The following KCNJ3 variants were observed in gnomAD, a reference collection of about 807,000 sequenced individuals.
KCNJ3 encodes the protein potassium inwardly rectifying channel subfamily J member 3.
A neutral mutation model predicts 39.2 loss-of-function variants in KCNJ3; 4 were observed. The ratio of observed to expected loss-of-function variants is 0.10; its 90% confidence interval spans 0.05 to 0.23. The LOEUF is 0.23. Ranked by LOEUF, KCNJ3 falls within the 10% of genes least tolerant of loss-of-function variation. The pLI is 1.00. For synonymous variants in KCNJ3, 230 were observed against 237.4 expected (o/e 0.97, Z 0.29); for missense variants, 276 against 634.9 (o/e 0.43, Z 6.08).
At chr2:154,782,539 C>T (rs1427222330) in intron 2 of KCNJ3, among the ~76,000 whole-genome samples, 2 of 70,806 alleles carry the variant, frequency 2.8e-5, no homozygotes, top group Admixed American at 1.4e-4. Context: ...CACACACACA[C>T]ATACACGCAG....
chr2:154,772,290 G>A (rs1033340004), intron 2 of KCNJ3, among the ~76,000 whole-genome samples: 1 of 152,046 alleles, frequency 6.6e-6, no homozygotes, highest in South Asian at 2.1e-4. Context: ...TGAGTGGATC[G>A]GTCTAATTTT....
rs1258588401 is a variant in KCNJ3 at position 154,749,745 on chromosome 2, AT to A, written c.919+39932del. Among the ~76,000 whole-genome samples the A allele has an allele frequency of 3.2e-4, 48 of 151,866 alleles. No homozygotes were observed. The East Asian group carries it at 9.1e-3, about 29-fold the overall frequency. On this transcript the variant is annotated intron_variant, in intron 2 of 2. Coordinates refer to ENST00000295101, the MANE Select transcript of KCNJ3 (RefSeq NM_002239.4). ...AGTCGTAGTGAGTGCATATATGTAA[AT>A]TTTTTCTTTTTCTTTTCTTTTTTCT...
intron 2 of KCNJ3, among the ~76,000 whole-genome samples, chr2:154,802,835 G>A (rs1173782822): frequency 6.6e-6 from 1 of 152,016 alleles, no homozygotes; most frequent in East Asian, 1.9e-4. Context: ...TTGACTTTTA[G>A]TTGGCTTTTA....
intron 2 of KCNJ3, among the ~76,000 whole-genome samples, chr2:154,727,710 G>A (rs1685384331): frequency 6.6e-6 from 1 of 151,408 alleles, no homozygotes; most frequent in Non-Finnish European, 1.5e-5. Context: ...TAAAAAAATT[G>A]CTTAGATTGA....
rs1280413388 is a variant in KCNJ3, at chr2:154,817,745, T to C, written c.920-36982T>C. The stretch of plus-strand genomic sequence containing the variant: ...TTCCCTGCTCTAATAGATTTCATTG[T>C]TAGGAAGTGCTTCCTAATAACTAAA... On this transcript the variant is annotated intron_variant, in intron 2 of 2. Transcript: ENST00000295101. Among the ~76,000 whole-genome samples the C allele has an allele frequency of 3.3e-5, 5 of 152,190 alleles. No individual in the cohort carries two copies. The East Asian group carries it at 9.6e-4, about 29-fold the overall frequency.
chr2:154,767,694 A>G (rs1201036721), intron 2 of KCNJ3, among the ~76,000 whole-genome samples: 3 of 152,244 alleles, frequency 2.0e-5, no homozygotes, highest in African/African-American at 7.2e-5. Context: ...ACCTTTGGGT[A>G]TATACCCAGT....
At chr2:154,700,578 CAG>C (rs1450196180) in intron 1 of KCNJ3, among the ~76,000 whole-genome samples, 1 of 152,128 alleles carries the variant, frequency 6.6e-6, no homozygotes, top group African/African-American at 2.4e-5. Context: ...GAACTGAAGC[CAG>C]AGTCTGAATT....
At position 154,842,669 on chromosome 2, in the gene KCNJ3, G is replaced by A. The variant is rs1402378572; in HGVS notation, c.920-12058G>A. Among the ~76,000 whole-genome samples the A allele has an allele frequency of 2.0e-5, 3 of 152,128 alleles. No homozygotes were observed. The East Asian group carries it at 5.8e-4, about 29-fold the overall frequency. On this transcript the variant is annotated intron_variant, in intron 2 of 2. Coordinates refer to ENST00000295101, the MANE Select transcript of KCNJ3 (RefSeq NM_002239.4). ...TTTAGGATAGTTAGCTCTTCTTGTT[G>A]AATTGATTCCTTTACCATTATGTAA...
At chr2:154,804,983 T>C (rs1387110338) in intron 2 of KCNJ3, among the ~76,000 whole-genome samples, 1 of 152,102 alleles carries the variant, frequency 6.6e-6, no homozygotes, top group Admixed American at 6.6e-5. Flanking sequence ...ATTCCAGAAA[T>C]TTATTTCCAT....
At chr2:154,767,729 A>G (rs191764086) in intron 2 of KCNJ3, among the ~76,000 whole-genome samples, 4 of 152,298 alleles carry the variant, frequency 2.6e-5, no homozygotes, top group Admixed American at 6.5e-5. Context: ...GTCAAATGGT[A>G]TTTCTAGTTC....
intron 2 of KCNJ3, among the ~76,000 whole-genome samples, chr2:154,748,615 G>GTGAAT (rs1685785855): frequency 6.6e-6 from 1 of 151,928 alleles, no homozygotes; most frequent in African/African-American, 2.4e-5. Context: ...ATAAATATGA[G>GTGAAT]TGAACTGAAC....
intron 2 of KCNJ3, among the ~76,000 whole-genome samples, chr2:154,742,186 T>C (rs979453675): frequency 2.0e-5 from 3 of 149,944 alleles, no homozygotes; most frequent in Admixed American, 6.6e-5. Context: ...GTCCTTAAGA[T>C]TTATTCATGT....
At position 154,857,401 on chromosome 2, in the gene KCNJ3, T is replaced by C. The variant is rs547614910; in HGVS notation, c.*2088T>C. The C allele has an allele frequency of 6.6e-6, 1 of 152,268 alleles. No individual in the cohort carries two copies. Among genetic ancestry groups the C allele is most frequent in the East Asian group, 1.9e-4 (1 of 5,182 alleles). The allele number at this position is 152,268 out of a possible 1,614,324, so 9.4% of individuals were successfully genotyped here. On this transcript the variant is annotated 3_prime_UTR_variant, in exon 3 of 3. Transcript: ENST00000295101. ...GAACCAAAAACAAACTCTCCAAGTA[T>C]ATTCACACATTCAACAAAATTTTTG... is the stretch of plus-strand genomic sequence containing the variant.
chr2:154,737,328 C>G (rs1360314845), intron 2 of KCNJ3, among the ~76,000 whole-genome samples: 1 of 152,174 alleles, frequency 6.6e-6, no homozygotes, highest in Non-Finnish European at 1.5e-5. Context: ...AAAAGTGAAA[C>G]TGTTTACAGA....
intron 2 of KCNJ3, among the ~76,000 whole-genome samples, chr2:154,844,904 G>A (rs1236758026): frequency 1.3e-5 from 2 of 152,110 alleles, no homozygotes; most frequent in Non-Finnish European, 2.9e-5. Flanking sequence ...GTGCTTCCTG[G>A]GTGAGGCGAC....
rs145275802 is a variant in KCNJ3, at chr2:154,834,515, C to T, written c.920-20212C>T. Among the ~76,000 whole-genome samples the T allele has an allele frequency of 2.4e-4, 37 of 152,018 alleles. No individual in the cohort carries two copies. The East Asian group carries it at 7.2e-3, about 30-fold the overall frequency. On this transcript the variant is annotated intron_variant, in intron 2 of 2. Transcript: ENST00000295101. ...GGGCTGCCGAGGCGGGTGGATCACGCGGTAAGGATCGAGACCATCCTGGCT... is the reference window on the plus strand; with the variant it reads ...GGGCTGCCGAGGCGGGTGGATCACGTGGTAAGGATCGAGACCATCCTGGCT...
intron 2 of KCNJ3, among the ~76,000 whole-genome samples, chr2:154,827,422 A>C (rs1449543103): frequency 6.6e-6 from 1 of 152,150 alleles, no homozygotes; most frequent in Non-Finnish European, 1.5e-5. Flanking sequence ...TAAACCCAGA[A>C]ATTTCCCCTA....
chr2:154,779,409 T>A (rs1686394892), intron 2 of KCNJ3, among the ~76,000 whole-genome samples: 1 of 149,158 alleles, frequency 6.7e-6, no homozygotes, highest in African/African-American at 2.5e-5. Flanking sequence ...ACTTATGAGG[T>A]CAGTTTACTA....
intron 2 of KCNJ3, among the ~76,000 whole-genome samples, chr2:154,826,518 T>C (rs980593005): frequency 2.0e-5 from 3 of 152,254 alleles, no homozygotes; most frequent in Non-Finnish European, 2.9e-5. Flanking sequence ...AGGCCATTAC[T>C]ATTTTCACAT....
Sources: gnomAD v4.1 joint callset for allele counts (sites outside exome capture counted in the v4.1 genomes callset) on GRCh38, gnomAD v4.1.1 for gene constraint, MANE v1.5 for transcripts, NCBI Gene and HGNC (gene_info 2026-07-23, HGNC 2026-07-21) for gene names.